The following PJA2 variants were observed in gnomAD, a reference collection of about 807,000 sequenced individuals.
PJA2 encodes praja ring finger ubiquitin ligase 2, also known as E3 ubiquitin-protein ligase Praja-2.
PJA2 carries 25 observed loss-of-function variants against 69.3 expected under a neutral mutation model. The observed-to-expected ratio is 0.36, with a 90% CI of 0.26 to 0.50. The LOEUF (loss-of-function observed/expected upper bound fraction) is 0.50. Ranked by LOEUF, PJA2 falls within the 20% of genes least tolerant of loss-of-function variation. PJA2 has a pLI of 0.96. For missense variants in PJA2, 809 were observed against 830.2 expected, an observed-to-expected ratio of 0.97 and a Z score of 0.31; for synonymous variants, 308 against 277.8, an observed-to-expected ratio of 1.11 and a Z score of -1.08.
intron 1 of PJA2, among the ~76,000 whole-genome samples, chr5:109,406,163 C>T (rs1747688308): frequency 6.6e-6 from 1 of 151,790 alleles, no homozygotes. Flanking sequence ...CCTAACTCAG[C>T]CGGAGTAGCT....
At chr5:109,345,416 C>T (rs1178346842) in intron 7 of PJA2, among the ~76,000 whole-genome samples, 1 of 146,596 alleles carries the variant, frequency 6.8e-6, no homozygotes, top group African/African-American at 2.5e-5. Flanking sequence ...ACTGGGGAGA[C>T]TGAGGCAGGA....
chr5:109,396,852 T>C (rs1747427846), intron 1 of PJA2, among the ~76,000 whole-genome samples: 1 of 150,530 alleles, frequency 6.6e-6, no homozygotes, highest in Non-Finnish European at 1.5e-5. Context: ...CTGTAAAAAG[T>C]AAAACTAAAA....
intron 5 of PJA2, among the ~76,000 whole-genome samples, chr5:109,363,392 T>A (rs1338641342): frequency 6.6e-6 from 1 of 152,218 alleles, no homozygotes; most frequent in Non-Finnish European, 1.5e-5. Context: ...TTCCTCAACC[T>A]GGCCTTCAAA....
chr5:109,378,756 C>T lies in PJA2; in HGVS notation c.731G>A (p.Gly244Asp). The change falls in exon 4 of 10, where the codon GGT (glycine) becomes GAT (aspartate). Residue 244 changes from glycine to aspartate, a missense_variant. Gly to Asp is a moderately conservative substitution (Grantham distance 94). Coordinates refer to ENST00000361189, the MANE Select transcript of PJA2 (RefSeq NM_014819.5). ...ATTCTGATGGACAAACTCAGTATCA[C>T]CAGCAGAACTTTTCACTAATGGTAC... Reference protein sequence around the residue: ...DSVPLVKSSAGDTEFVHQNSQ... With the variant: ...DSVPLVKSSADDTEFVHQNSQ... The T allele has an allele frequency of 6.2e-7, 1 of 1,612,396 alleles. No homozygotes were observed. Among genetic ancestry groups the T allele is most frequent in the Non-Finnish European group, 8.5e-7 (1 of 1,180,000 alleles).
chr5:109,372,558 T>C (rs1169406484), intron 4 of PJA2, among the ~76,000 whole-genome samples: 1 of 151,944 alleles, frequency 6.6e-6, no homozygotes. Context: ...TCAAAGAAAA[T>C]GGGTACTGAG....
At position 109,368,468 on chromosome 5, in the gene PJA2, A is replaced by G. The variant is rs1172988472; in HGVS notation, c.1469+93T>C. On this transcript the variant is annotated intron_variant, in intron 5 of 9. Coordinates refer to ENST00000361189, the MANE Select transcript of PJA2 (RefSeq NM_014819.5). ...GGCCTACTGGTTCTACATAAGGCTT[A>G]TAAATACAATTAATGGCATATCCAA... The G allele has an allele frequency of 4.2e-6, 5 of 1,186,960 alleles. No homozygotes were observed. In the East Asian group the frequency reaches 1.2e-4, roughly 28 times the overall value. The allele number at this position is 1,186,960 out of a possible 1,614,324, so 73.5% of individuals were successfully genotyped here.
At chr5:109,341,825 G>A (rs1762069198) in intron 9 of PJA2, among the ~76,000 whole-genome samples, 5 of 102,382 alleles carry the variant, frequency 4.9e-5, no homozygotes, top group Admixed American at 9.1e-5. Context: ...GGAGGGAGGT[G>A]GGGGGGTCAG....
Position 109,362,088 on chromosome 5 carries a change from T to C in PJA2, c.1652+752A>G, listed in dbSNP as rs550019183. 1.2e-4 allele frequency among the ~76,000 whole-genome samples: 19 copies of C among 152,338 alleles called. No homozygotes were observed. The East Asian group carries it at 3.7e-3, about 29-fold the overall frequency. On this transcript the variant is annotated intron_variant, in intron 6 of 9. Coordinates refer to ENST00000361189, the MANE Select transcript of PJA2 (RefSeq NM_014819.5). Reference sequence around the variant, plus strand: ...GAAAAACAACACAAATTCTTAAAAATATATTTGTACAGAGAAAGAAACAAG... The same window carrying C: ...GAAAAACAACACAAATTCTTAAAAACATATTTGTACAGAGAAAGAAACAAG...
At chr5:109,351,994 A>C (rs1167248254) in intron 7 of PJA2, among the ~76,000 whole-genome samples, 4 of 152,192 alleles carry the variant, frequency 2.6e-5, no homozygotes, top group African/African-American at 9.6e-5. Context: ...ATTTTCTAGG[A>C]GTGAAACATC....
At chr5:109,371,273 C>T (rs1447859410) in intron 4 of PJA2, among the ~76,000 whole-genome samples, 4 of 152,166 alleles carry the variant, frequency 2.6e-5, no homozygotes, top group African/African-American at 9.7e-5. Context: ...ACTAAGCTTT[C>T]GCAATCACTA....
chr5:109,393,107 T>C (rs1423224142), intron 1 of PJA2, among the ~76,000 whole-genome samples: 1 of 152,074 alleles, frequency 6.6e-6, no homozygotes, highest in East Asian at 1.9e-4. Flanking sequence ...AGTATCAAAG[T>C]GCTCACATAT....
At chr5:109,362,737 G>A in intron 6 of PJA2, 103 bp downstream of exon 6, 5 of 1,210,964 alleles carry the variant, frequency 4.1e-6, no homozygotes, top group Non-Finnish European at 5.7e-6. Flanking sequence ...CTAACAGATG[G>A]GAAAATTATA....
intron 1 of PJA2, among the ~76,000 whole-genome samples, chr5:109,399,129 T>G (rs866245954): frequency 1.3e-5 from 2 of 151,580 alleles, no homozygotes; most frequent in South Asian, 2.1e-4. Flanking sequence ...AAGAATCGCT[T>G]TAACCTGCGT....
chr5:109,352,068 G>GGA (rs778539690), intron 7 of PJA2, among the ~76,000 whole-genome samples: 5 of 152,126 alleles, frequency 3.3e-5, no homozygotes, highest in African/African-American at 1.2e-4. Context: ...AAGCTTTAGA[G>GGA]GAGAGAGATG....
intron 1 of PJA2, chr5:109,390,533 A>C (rs1180082948): frequency 6.6e-6 from 1 of 151,976 alleles, no homozygotes; most frequent in Non-Finnish European, 1.5e-5. Context: ...ATGTCTGATA[A>C]TCTTTCTCTT....
chr5:109,384,671 T>A (rs926848323), intron 1 of PJA2, among the ~76,000 whole-genome samples: 1 of 152,188 alleles, frequency 6.6e-6, no homozygotes, highest in Non-Finnish European at 1.5e-5. Flanking sequence ...CATTCACCCA[T>A]ATAATTTATA....
rs1360805513 is a variant in PJA2, at chr5:109,354,070, TATCTATA to T, written c.1764+1838_1764+1844del. ...ATTAGATATCTATGATATCTAGAGA[TATCTATA>T]GATTAGATATCTATATCTAGAGATA... On this transcript the variant is annotated intron_variant, in intron 7 of 9. Transcript: ENST00000361189. Among the ~76,000 whole-genome samples the T allele has an allele frequency of 4.6e-5, 6 of 129,604 alleles. 1 individual carries two copies. The highest frequency in any genetic ancestry group is 2.4e-4 in the South Asian group (1 of 4,166). The allele number at this position is 129,604 out of a possible 152,430, so 85.0% of individuals were successfully genotyped here. A position where few individuals can be genotyped will look rare whatever the true frequency, so the allele number is the denominator to read the frequency against.
chr5:109,406,891 G>T (rs1358803727), intron 1 of PJA2, among the ~76,000 whole-genome samples: 1 of 152,098 alleles, frequency 6.6e-6, no homozygotes, highest in African/African-American at 2.4e-5. Context: ...GAAAAACATG[G>T]ATAATCCTGA....
At position 109,378,332 on chromosome 5, in the gene PJA2, T is replaced by C; in HGVS notation, c.1155A>G (p.Thr385=). The C allele has an allele frequency of 6.2e-7, 1 of 1,614,192 alleles. No individual in the cohort carries two copies. Among genetic ancestry groups the C allele is most frequent in the Non-Finnish European group, 8.5e-7 (1 of 1,180,008 alleles). Reference sequence around the variant, plus strand: ...TTTGGTTATTTTCTGTTTCCCTTTGTGTAATAACTCTTGAGTATGGTGGAT... The same window carrying C: ...TTTGGTTATTTTCTGTTTCCCTTTGCGTAATAACTCTTGAGTATGGTGGAT... ...FLDPPYSRVI[T]QRETENNQMT... Residue 385 remains threonine, a synonymous_variant, in exon 4 of 10, where the codon ACA becomes ACG. Coordinates refer to ENST00000361189, the MANE Select transcript of PJA2 (RefSeq NM_014819.5).
Sources: gnomAD v4.1 joint callset for allele counts (sites outside exome capture counted in the v4.1 genomes callset) on GRCh38, gnomAD v4.1.1 for gene constraint, MANE v1.5 for transcripts, NCBI Gene and HGNC (gene_info 2026-07-23, HGNC 2026-07-21) for gene names.